Variants in NCKAP5 observed in about 807,000 individuals in gnomAD.
The protein encoded by NCKAP5 is NCK associated protein 5.
Under a neutral mutation model 167.0 loss-of-function variants are expected in NCKAP5, and 92 were observed. That is an observed-to-expected ratio of 0.55 (90% CI 0.47 to 0.66). The LOEUF (loss-of-function observed/expected upper bound fraction) is 0.66. NCKAP5 is among the 30% of genes least tolerant of loss of function. NCKAP5 has a pLI of 0.00. For missense variants in NCKAP5, 2,378 were observed against 2,315.0 expected (o/e 1.03, Z -0.56); for synonymous variants, 891 against 877.4 (o/e 1.02, Z -0.27).
At chr2:133,160,741 C>A in intron 5 of NCKAP5, among the ~76,000 whole-genome samples, 1 of 152,094 alleles carries the variant, frequency 6.6e-6, no homozygotes, top group Non-Finnish European at 1.5e-5. Flanking sequence ...TACTTACTAC[C>A]CTTTTCTTCT....
chr2:133,077,412 G>C (rs913861527), intron 6 of NCKAP5, among the ~76,000 whole-genome samples: 1 of 152,142 alleles, frequency 6.6e-6, no homozygotes, highest in Non-Finnish European at 1.5e-5. Context: ...GTTTTTGCCT[G>C]CTGACCCTGT....
chr2:132,774,262 G>T (rs1011902894), intron 15 of NCKAP5, among the ~76,000 whole-genome samples: 1 of 152,170 alleles, frequency 6.6e-6, no homozygotes, highest in African/African-American at 2.4e-5. Flanking sequence ...AAACGTTAAA[G>T]TCTAACGAGG....
intron 5 of NCKAP5, among the ~76,000 whole-genome samples, chr2:133,208,529 T>C (rs1026579900): frequency 2.6e-5 from 4 of 152,118 alleles, no homozygotes; most frequent in Non-Finnish European, 4.4e-5. Flanking sequence ...AACTACCAAG[T>C]TGTCAAAAAC....
At chr2:132,791,156 T>C (rs1342841782) in intron 12 of NCKAP5, among the ~76,000 whole-genome samples, 1 of 152,216 alleles carries the variant, frequency 6.6e-6, no homozygotes, top group Non-Finnish European at 1.5e-5. Flanking sequence ...TCTGCTACAC[T>C]TTCCTCTGGT....
chr2:133,095,637 G>A (rs1262101283), intron 6 of NCKAP5, among the ~76,000 whole-genome samples: 6 of 152,170 alleles, frequency 3.9e-5, no homozygotes, highest in African/African-American at 7.2e-5. Flanking sequence ...CAGCTAAGCC[G>A]GGCAACCCAG....
At chr2:133,437,969 G>C (rs1216128745) in intron 3 of NCKAP5, among the ~76,000 whole-genome samples, 2 of 152,122 alleles carry the variant, frequency 1.3e-5, no homozygotes, top group Admixed American at 1.3e-4. Context: ...GAAGGGATTT[G>C]CCTGCATTTA....
chr2:133,601,689 C>T, the NCKAP5 span, among the ~76,000 whole-genome samples: 21 of 152,124 alleles, frequency 1.4e-4, no homozygotes, highest in African/African-American at 2.7e-4. Flanking sequence ...GCTGAGATTG[C>T]GCCACTGCAC....
At chr2:133,004,889 C>G (rs1406446169) in intron 6 of NCKAP5, among the ~76,000 whole-genome samples, 1 of 152,208 alleles carries the variant, frequency 6.6e-6, no homozygotes, top group Non-Finnish European at 1.5e-5. Flanking sequence ...GCATTCCTTT[C>G]TCAGGGTTAT....
chr2:132,688,953 T>C (rs1369603408), intron 19 of NCKAP5, among the ~76,000 whole-genome samples: 2 of 133,512 alleles, frequency 1.5e-5, no homozygotes, highest in Admixed American at 8.5e-5. Flanking sequence ...ACCACTGTAC[T>C]CTAGCCTGCG....
chr2:133,652,074 A>C, the NCKAP5 span, among the ~76,000 whole-genome samples: 1 of 152,178 alleles, frequency 6.6e-6, no homozygotes, highest in African/African-American at 2.4e-5. Context: ...AGTCCACAAG[A>C]CTACTCAGGA....
rs1225382906 is a variant in NCKAP5 at position 133,386,934 on chromosome 2, A to T, written c.70-83824T>A. Among the ~76,000 whole-genome samples the T allele has an allele frequency of 2.0e-5, 3 of 151,960 alleles. No individual in the cohort carries two copies. In the East Asian group the frequency reaches 5.8e-4, roughly 29 times the overall value. On this transcript the variant is annotated intron_variant, in intron 3 of 19. Transcript: ENST00000409261. ...CTCCATCCCTTTATTTTGAGCCTGT[A>T]TGTGTCTCTGCACATGAGATGGGTT...
chr2:133,423,655 TG>T (rs1689620546), intron 3 of NCKAP5, among the ~76,000 whole-genome samples: 1 of 152,184 alleles, frequency 6.6e-6, no homozygotes, highest in African/African-American at 2.4e-5. Flanking sequence ...GACCTTTAGT[TG>T]GTTTTTAAAG....
intron 6 of NCKAP5, among the ~76,000 whole-genome samples, chr2:133,115,140 T>G (rs1215373831): frequency 6.6e-6 from 1 of 152,172 alleles, no homozygotes; most frequent in Admixed American, 6.5e-5. Flanking sequence ...TTCCTGGGGT[T>G]GTTTTGTATT....
the NCKAP5 span, among the ~76,000 whole-genome samples, chr2:133,605,163 A>G: frequency 2.0e-5 from 3 of 152,156 alleles, no homozygotes; most frequent in Admixed American, 2.0e-4. Context: ...TTCTCACCAA[A>G]TAAGCTGGAC....
chr2:133,020,450 T>A (rs1251331943), intron 6 of NCKAP5, among the ~76,000 whole-genome samples: 3 of 152,164 alleles, frequency 2.0e-5, no homozygotes, highest in Non-Finnish European at 4.4e-5. Context: ...ATAAAAGATA[T>A]GTTTTCAGGA....
chr2:133,123,704 A>C, intron 6 of NCKAP5: 1 of 463,264 alleles, frequency 2.2e-6, no homozygotes, highest in South Asian at 1.6e-5. Context: ...ACAGTCAGAC[A>C]TGGGAACAAG....
chr2:133,095,159 T>C (rs1415549701), intron 6 of NCKAP5, among the ~76,000 whole-genome samples: 2 of 152,214 alleles, frequency 1.3e-5, no homozygotes, highest in Admixed American at 6.5e-5. Flanking sequence ...GGTAAATTTG[T>C]GGTAAACTGC....
intron 5 of NCKAP5, among the ~76,000 whole-genome samples, chr2:133,168,757 A>G (rs1471651191): frequency 2.0e-5 from 3 of 152,176 alleles, no homozygotes; most frequent in Admixed American, 2.0e-4. Flanking sequence ...AATTCGCTTC[A>G]ATCCATTTTT....
At chr2:132,930,408 A>G (rs900216925) in intron 8 of NCKAP5, 2 of 152,218 alleles carry the variant, frequency 1.3e-5, no homozygotes, top group Non-Finnish European at 2.9e-5. Flanking sequence ...AGACAGAGTA[A>G]AGAAGATCTG....
Sources: gnomAD v4.1 joint callset for allele counts (sites outside exome capture counted in the v4.1 genomes callset) on GRCh38, gnomAD v4.1.1 for gene constraint, MANE v1.5 for transcripts, NCBI Gene and HGNC (gene_info 2026-07-23, HGNC 2026-07-21) for gene names.